TLN2: variants seen among roughly 807,000 people sequenced by gnomAD.
The protein encoded by TLN2 is talin-2.
TLN2 carries 118 observed loss-of-function variants against 294.7 expected under a neutral mutation model. That is an observed-to-expected ratio of 0.40 (90% CI 0.34 to 0.47). The LOEUF is 0.47. Among genes scored for constraint, TLN2 ranks in the 20% least tolerant of loss-of-function variants. TLN2 has a pLI of 0.84. For synonymous variants in TLN2, 1,431 were observed against 1,304.5 expected, an observed-to-expected ratio of 1.10 and a Z score of -2.09; for missense variants, 3,083 against 3,282.2, an observed-to-expected ratio of 0.94 and a Z score of 1.48.
intron 3 of TLN2, among the ~76,000 whole-genome samples, chr15:62,627,807 A>G (rs2049414271): frequency 1.3e-5 from 2 of 150,364 alleles, no homozygotes; most frequent in Non-Finnish European, 3.0e-5. Context: ...TCTTGTTAAA[A>G]CTTCCAGAAT....
At chr15:62,619,498 G>T (rs560831712) in intron 3 of TLN2, among the ~76,000 whole-genome samples, 1 of 152,176 alleles carries the variant, frequency 6.6e-6, no homozygotes, top group Non-Finnish European at 1.5e-5. Flanking sequence ...AACTGTAGTG[G>T]GTTGAATAGT....
chr15:62,838,852 C>T lies in TLN2; in HGVS notation c.7375-4C>T, dbSNP rs1455416602. The T allele has an allele frequency of 4.4e-6, 7 of 1,608,752 alleles. No homozygotes were observed. In the African/African-American group the frequency reaches 8.5e-5, roughly 20 times the overall value. On this transcript the variant is annotated splice_region_variant and splice_polypyrimidine_tract_variant and intron_variant, in intron 57 of 58. Coordinates refer to ENST00000636159, the MANE Select transcript of TLN2 (RefSeq NM_015059.3). ...ATATAATGTATGTTTTGTTCACTCTCCAGGCGGCAGGAAATGCTGTGAAAA... is the reference window on the plus strand; with the variant it reads ...ATATAATGTATGTTTTGTTCACTCTTCAGGCGGCAGGAAATGCTGTGAAAA...
intron 52 of TLN2, among the ~76,000 whole-genome samples, chr15:62,813,281 C>T (rs1433974044): frequency 6.6e-6 from 1 of 152,128 alleles, no homozygotes; most frequent in Admixed American, 6.5e-5. Flanking sequence ...CTGTTAAAAG[C>T]CTGCCAGCTG....
In TLN2 at chr15:62,479,629, G is replaced by A. The variant is rs2140379897; in HGVS notation, c.-238+88944G>A. 2.0e-5 allele frequency among the ~76,000 whole-genome samples: 3 copies of A among 152,252 alleles called. No homozygotes were observed. In the South Asian group the frequency reaches 6.2e-4, roughly 32 times the overall value. ...GTAGCTGGGGTTACTACTGGGTGGT[G>A]GCTTGCACCACCACATCTGGCTAAT... On this transcript the variant is annotated intron_variant, in intron 1 of 58. Transcript: ENST00000636159.
Position 62,836,023 on chromosome 15 carries a change from G to T in TLN2, c.7324G>T (p.Ala2442Ser), listed in dbSNP as rs1264675848. Residue 2442 changes from alanine to serine, a missense_variant, in exon 57 of 59, where the codon GCC becomes TCC. Physicochemically the swap from Ala to Ser is moderately conservative, Grantham distance 99 (BLOSUM62 1). Transcript: ENST00000636159. ...VAASTAQLLVACKVKADQDSE... is the reference protein window; with the variant it reads ...VAASTAQLLVSCKVKADQDSE... ...CGCTTCCACGGCTCAGCTGCTGGTG[G>T]CCTGCAAGGTGAAGGCCGACCAGGA... The T allele has an allele frequency of 6.2e-7, 1 of 1,612,814 alleles. No homozygotes were observed. Among genetic ancestry groups the T allele is most frequent in the Non-Finnish European group, 8.5e-7 (1 of 1,179,504 alleles).
intron 1 of TLN2, among the ~76,000 whole-genome samples, chr15:62,426,808 A>G (rs1305179359): frequency 6.6e-6 from 1 of 152,140 alleles, no homozygotes; most frequent in Non-Finnish European, 1.5e-5. Context: ...GCTGCTCTCC[A>G]GGGGCTGAGA....
intron 54 of TLN2, among the ~76,000 whole-genome samples, chr15:62,825,836 A>ATTATATATTATAATATTTATAAT (rs1555522053): frequency 1.3e-5 from 1 of 77,064 alleles, no homozygotes; most frequent in African/African-American, 8.2e-5. Context: ...TATAATATAT[A>ATTATATATTATAATATTTATAAT]ATATATATAA....
intron 1 of TLN2, among the ~76,000 whole-genome samples, chr15:62,393,884 T>G (rs1162728028): frequency 1.3e-5 from 2 of 151,226 alleles, no homozygotes; most frequent in South Asian, 2.1e-4. Flanking sequence ...AGTCTTGCTC[T>G]GTCACCTCAG....
At chr15:62,762,525 CT>C (rs1168065238) in intron 39 of TLN2, 72 bp downstream of exon 39, 25 of 1,509,292 alleles carry the variant, frequency 1.7e-5, no homozygotes, top group Non-Finnish European at 2.3e-5. Flanking sequence ...GCCCACCAGG[CT>C]TTTTACTTAA....
intron 2 of TLN2, among the ~76,000 whole-genome samples, chr15:62,607,750 TGCACAAGTCC>T (rs1454847731): frequency 4.6e-5 from 7 of 152,164 alleles, no homozygotes; most frequent in Non-Finnish European, 8.8e-5. Context: ...TGTGTGTGTG[TGCACAAGTCC>T]ATGTATGTGT....
chr15:62,748,303 T>G, intron 32 of TLN2, 48 bp from the exon 33 acceptor site: 1 of 1,391,072 alleles, frequency 7.2e-7, no homozygotes, highest in Non-Finnish European at 1.0e-6. Flanking sequence ...GTAGGGGAAA[T>G]TACTGTTGAT....
In TLN2 at chr15:62,754,640, G is replaced by A. The variant is rs536572356; in HGVS notation, c.4476+724G>A. The A allele has an allele frequency of 3.6e-3, 547 of 152,604 alleles. 3 individuals are homozygous for A. Among genetic ancestry groups the A allele is most frequent in the Non-Finnish European group, 5.5e-3 (376 of 68,244 alleles). The allele number at this position is 152,604 out of a possible 1,614,324, so 9.5% of individuals were successfully genotyped here. On this transcript the variant is annotated intron_variant, in intron 36 of 58. Transcript: ENST00000636159. The stretch of plus-strand genomic sequence containing the variant: ...TCAACCTGGGGCCCACGTTCTTGAG[G>A]CAGGAGAAGGGCCTGAACAAAGAAG...
intron 27 of TLN2, among the ~76,000 whole-genome samples, chr15:62,726,290 T>C (rs2060436505): frequency 6.6e-6 from 1 of 152,242 alleles, no homozygotes; most frequent in South Asian, 2.1e-4. Context: ...TCTATTTTTA[T>C]TGGAAAGCAT....
intron 1 of TLN2, among the ~76,000 whole-genome samples, chr15:62,475,017 A>G (rs1258973649): frequency 6.6e-6 from 1 of 152,132 alleles, no homozygotes; most frequent in Non-Finnish European, 1.5e-5. Context: ...TTTTTGCCTT[A>G]TAAATAATAA....
rs1008918358 is a variant in TLN2, at chr15:62,841,200, A to T, written c.*590A>T. 1.3e-5 allele frequency: 2 copies of T among 152,804 alleles called. No homozygotes were observed. The highest frequency in any genetic ancestry group is 2.4e-5 in the African/African-American group (1 of 41,440). The allele number at this position is 152,804 out of a possible 1,614,324, so 9.5% of individuals were successfully genotyped here. ...GCACGCTTTCTTGCCTCCGTGTGTAAGCTCCTTGTACAACCCAGACCCATC... is the reference window on the plus strand; with the variant it reads ...GCACGCTTTCTTGCCTCCGTGTGTATGCTCCTTGTACAACCCAGACCCATC... On this transcript the variant is annotated 3_prime_UTR_variant, in exon 59 of 59. Coordinates refer to ENST00000636159, the MANE Select transcript of TLN2 (RefSeq NM_015059.3).
chr15:62,723,466 C>T (rs915255171), intron 26 of TLN2, among the ~76,000 whole-genome samples: 5 of 151,252 alleles, frequency 3.3e-5, no homozygotes, highest in East Asian at 3.9e-4. Context: ...CCACACTGCT[C>T]GAAAGCAGTG....
intron 1 of TLN2, among the ~76,000 whole-genome samples, chr15:62,484,579 C>T (rs971882755): frequency 2.0e-5 from 3 of 152,106 alleles, no homozygotes; most frequent in Non-Finnish European, 4.4e-5. Context: ...GGTGCTACCA[C>T]CACGCCCGGC....
At chr15:62,413,659 A>G (rs1195072600) in intron 1 of TLN2, among the ~76,000 whole-genome samples, 1 of 152,220 alleles carries the variant, frequency 6.6e-6, no homozygotes, top group Admixed American at 6.5e-5. Flanking sequence ...ACAGGTGCAC[A>G]TTAAGTTTTT....
intron 1 of TLN2, among the ~76,000 whole-genome samples, chr15:62,512,936 C>T (rs2140455584): frequency 6.6e-6 from 1 of 152,342 alleles, no homozygotes. Flanking sequence ...CCTCTTCCAG[C>T]ACTTATTTCT....
Sources: gnomAD v4.1 joint callset for allele counts (sites outside exome capture counted in the v4.1 genomes callset) on GRCh38, gnomAD v4.1.1 for gene constraint, MANE v1.5 for transcripts, NCBI Gene and HGNC (gene_info 2026-07-23, HGNC 2026-07-21) for gene names.